The following DIP2B variants were observed in gnomAD, a reference collection of about 807,000 sequenced individuals.
DIP2B encodes the protein DIP2 acetate--CoA ligase B (putative), also known as disco-interacting protein 2 homolog B.
A neutral mutation model predicts 198.0 loss-of-function variants in DIP2B; 76 were observed. That is an observed-to-expected ratio of 0.38 (90% CI 0.32 to 0.46). The LOEUF (loss-of-function observed/expected upper bound fraction) is 0.46, where lower values mean the gene tolerates loss of function less well. Among genes scored for constraint, DIP2B ranks in the 20% least tolerant of loss-of-function variants. The probability of loss-of-function intolerance (pLI) is 0.99; values close to 1 mark genes in which losing one functional copy is unlikely to be tolerated. For missense variants in DIP2B, 1,559 were observed against 1,978.4 expected (o/e 0.79, Z 4.02); for synonymous variants, 701 against 739.1 (o/e 0.95, Z 0.84).
At chr12:50,541,035 A>G (rs1032179604) in intron 1 of DIP2B, among the ~76,000 whole-genome samples, 3 of 152,142 alleles carry the variant, frequency 2.0e-5, no homozygotes, top group African/African-American at 4.8e-5. Flanking sequence ...TATATTCTAG[A>G]ATTTAAAAAA....
At chr12:50,557,655 A>G (rs1958483214) in intron 1 of DIP2B, among the ~76,000 whole-genome samples, 1 of 152,218 alleles carries the variant, frequency 6.6e-6, no homozygotes, top group African/African-American at 2.4e-5. Context: ...CATGGCAGGC[A>G]AAAGCCAGCA....
Position 50,708,529 on chromosome 12 carries a change from A to G in DIP2B, c.2616A>G (p.Glu872=). The G allele has an allele frequency of 6.2e-7, 1 of 1,605,290 alleles. No individual in the cohort carries two copies. Among genetic ancestry groups the G allele is most frequent in the Non-Finnish European group, 8.5e-7 (1 of 1,175,412 alleles). The change falls in exon 22 of 38, where the codon GAA becomes GAG. Residue 872 remains glutamate, a synonymous_variant. Transcript: ENST00000301180. The part of the protein sequence containing the change: ...VAEQRPDASE[E]DSFQWMSRVL... ...AACAAAGACCTGATGCTTCTGAGGA[A>G]GATAGTTTCCAGTGGATGAGCCGCG...
intron 2 of DIP2B, among the ~76,000 whole-genome samples, chr12:50,629,465 G>T (rs1938000387): frequency 6.6e-6 from 1 of 152,130 alleles, no homozygotes; most frequent in South Asian, 2.1e-4. Flanking sequence ...AGGTAATGTT[G>T]AGCTTGGTGG....
chr12:50,674,565 C>A lies in DIP2B; in HGVS notation c.732C>A (p.Pro244=). ...SIRPANIDLP[P]SGIVKGMHKG... ...GCCCAGCAAACATTGACCTGCCCCC[C>A]TCGGGGATAGTTAAAGGCATGCACA... Residue 244 remains proline, a synonymous_variant, in exon 6 of 38, where the codon CCC becomes CCA. Transcript: ENST00000301180. The A allele has an allele frequency of 6.2e-7, 1 of 1,614,240 alleles. No individual in the cohort carries two copies. The highest frequency in any genetic ancestry group is 8.5e-7 in the Non-Finnish European group (1 of 1,180,042).
intron 11 of DIP2B, 77 bp from the exon 12 acceptor site, chr12:50,686,496 T>G (rs1421755696): frequency 3.1e-6 from 4 of 1,280,444 alleles, no homozygotes; most frequent in Non-Finnish European, 4.4e-6. Context: ...TCTCTTGATA[T>G]TTAAAATGAC....
intron 3 of DIP2B, among the ~76,000 whole-genome samples, chr12:50,653,353 T>C (rs1321026634): frequency 4.8e-5 from 7 of 145,018 alleles, no homozygotes; most frequent in African/African-American, 1.8e-4. Context: ...TTTCTTTTTT[T>C]TTTTTTTTTT....
intron 1 of DIP2B, among the ~76,000 whole-genome samples, chr12:50,609,208 A>G (rs1286470261): frequency 6.6e-6 from 1 of 152,226 alleles, no homozygotes; most frequent in East Asian, 1.9e-4. Flanking sequence ...TCTTCTACAT[A>G]AGAGTTAAAT....
rs35098719 is a variant in DIP2B at position 50,580,538 on chromosome 12, C to CTTTT, written c.101-45426_101-45423dup. ...TACTTTATCCTTTCTTTTCTTTTTC[C>CTTTT]TTTTTTTTTTTTTTTGAGACTGTGT... is the stretch of plus-strand genomic sequence containing the variant. On this transcript the variant is annotated intron_variant, in intron 1 of 37. Transcript: ENST00000301180. 1.2e-4 allele frequency among the ~76,000 whole-genome samples: 15 copies of CTTTT among 127,208 alleles called. 2 individuals are homozygous for CTTTT. The highest frequency in any genetic ancestry group is 3.4e-4 in the African/African-American group (12 of 34,842). The allele number at this position is 127,208 out of a possible 152,430, so 83.5% of individuals were successfully genotyped here. A position where few individuals can be genotyped will look rare whatever the true frequency, so the allele number is the denominator to read the frequency against.
intron 1 of DIP2B, among the ~76,000 whole-genome samples, chr12:50,546,364 T>C (rs1056422974): frequency 2.0e-5 from 3 of 152,182 alleles, no homozygotes; most frequent in Non-Finnish European, 2.9e-5. Flanking sequence ...TTATTTTAGG[T>C]TCAGGGGGTA....
intron 3 of DIP2B, among the ~76,000 whole-genome samples, chr12:50,646,856 T>A (rs1307637810): frequency 2.6e-5 from 4 of 152,230 alleles, no homozygotes; most frequent in Admixed American, 2.0e-4. Flanking sequence ...ATCTCTGATC[T>A]GGTGATGGCT....
At chr12:50,543,742 G>A (rs527424093) in intron 1 of DIP2B, among the ~76,000 whole-genome samples, 1 of 151,570 alleles carries the variant, frequency 6.6e-6, no homozygotes, top group African/African-American at 2.4e-5. Context: ...GGCCAATGTG[G>A]ATGAAACCCT....
intron 1 of DIP2B, among the ~76,000 whole-genome samples, chr12:50,600,842 T>C (rs981041125): frequency 6.6e-6 from 1 of 151,676 alleles, no homozygotes; most frequent in Admixed American, 6.6e-5. Flanking sequence ...TCCCAAGATA[T>C]CTGTAGGGCT....
chr12:50,692,137 A>C (rs1202115963), intron 13 of DIP2B, among the ~76,000 whole-genome samples: 1 of 152,136 alleles, frequency 6.6e-6, no homozygotes, highest in Non-Finnish European at 1.5e-5. Context: ...TGAATATTAA[A>C]GATATGAAGA....
At chr12:50,588,006 G>A (rs1314816843) in intron 1 of DIP2B, among the ~76,000 whole-genome samples, 1 of 152,072 alleles carries the variant, frequency 6.6e-6, no homozygotes, top group Non-Finnish European at 1.5e-5. Context: ...ATTTGTTTTG[G>A]TATCTATACA....
intron 36 of DIP2B, among the ~76,000 whole-genome samples, 159 bp downstream of exon 36, chr12:50,739,745 C>T (rs756860203): frequency 6.6e-6 from 1 of 152,194 alleles, no homozygotes; most frequent in Non-Finnish European, 1.5e-5. Context: ...GGAGTCATGC[C>T]TTGCCCCATG....
At chr12:50,713,597 A>T (rs1167946151) in intron 22 of DIP2B, among the ~76,000 whole-genome samples, 1 of 152,216 alleles carries the variant, frequency 6.6e-6, no homozygotes, top group Non-Finnish European at 1.5e-5. Flanking sequence ...CTCACCCCAG[A>T]TGTTTTTCAG....
chr12:50,683,755 C>T (rs915191838), intron 10 of DIP2B, among the ~76,000 whole-genome samples: 1 of 151,920 alleles, frequency 6.6e-6, no homozygotes, highest in Admixed American at 6.6e-5. Context: ...TGCACTCCAG[C>T]TTGGGCGACA....
chr12:50,545,772 A>G (rs1958371973), intron 1 of DIP2B, among the ~76,000 whole-genome samples: 1 of 150,722 alleles, frequency 6.6e-6, no homozygotes, highest in Non-Finnish European at 1.5e-5. Context: ...AGTAGCTGAG[A>G]TTACAGGCGT....
intron 21 of DIP2B, among the ~76,000 whole-genome samples, chr12:50,707,192 A>G (rs976392949): frequency 1.3e-5 from 2 of 152,210 alleles, no homozygotes; most frequent in South Asian, 2.1e-4. Context: ...TATTTGCTAC[A>G]TATTTGAGTA....
Sources: allele counts gnomAD v4.1 joint callset (sites outside exome capture counted in the v4.1 genomes callset), GRCh38; gene constraint gnomAD v4.1.1; transcripts MANE v1.5; gene names NCBI Gene and HGNC (gene_info 2026-07-23, HGNC 2026-07-21).